PDE6A: variants seen among roughly 807,000 people sequenced by gnomAD.
PDE6A encodes phosphodiesterase 6A.
In PDE6A, 84 loss-of-function variants were observed where a neutral mutation model predicts 106.3. The observed-to-expected ratio is 0.79, with a 90% confidence interval of 0.66 to 0.95. The LOEUF (loss-of-function observed/expected upper bound fraction) is 0.95. Ranked by LOEUF, PDE6A falls within the 40% of genes least tolerant of loss-of-function variation. PDE6A has a pLI of 0.00. For synonymous variants in PDE6A, 394 were observed against 386.6 expected, an observed-to-expected ratio of 1.02 and a Z score of -0.23; for missense variants, 1,052 against 1,084.9, an observed-to-expected ratio of 0.97 and a Z score of 0.43.
rs926371495 is a variant in PDE6A at position 149,863,335 on chromosome 5, C to T, written c.2359-69G>A. 1.1e-5 allele frequency: 17 copies of T among 1,520,838 alleles called. No homozygotes were observed. In the African/African-American group the frequency reaches 2.1e-4, roughly 18 times the overall value. The allele number at this position is 1,520,838 out of a possible 1,614,324, so 94.2% of individuals were successfully genotyped here. ...AGGGTCTGGGCTCAAGCGGGTGGCA[C>T]AGCTGGAAACGTCCAACACTGGAAT... On this transcript the variant is annotated intron_variant, in intron 20 of 21. Transcript: ENST00000255266. This position sits in a 1 kb window ranked among gnomAD's most constrained non-coding sequence, Gnocchi z 4.7.
At chr5:149,884,322 ATG>A (rs1761052685) in intron 16 of PDE6A, among the ~76,000 whole-genome samples, 155 bp downstream of exon 16, 1 of 147,914 alleles carries the variant, frequency 6.8e-6, no homozygotes, top group East Asian at 2.0e-4. Context: ...ATATGTATAT[ATG>A]TGTATATATG....
At chr5:149,891,616 A>G (rs1218722984) in intron 13 of PDE6A, among the ~76,000 whole-genome samples, 7 of 152,152 alleles carry the variant, frequency 4.6e-5, no homozygotes, top group Non-Finnish European at 1.0e-4. Flanking sequence ...AGCCTGGGCA[A>G]CATAGTGAGA....
chr5:149,862,192 A>G (rs1260151515), intron 21 of PDE6A, among the ~76,000 whole-genome samples: 1 of 152,232 alleles, frequency 6.6e-6, no homozygotes, highest in Non-Finnish European at 1.5e-5. Context: ...CACAATCAGT[A>G]AAAGAAATGA....
chr5:149,883,335 C>T lies in PDE6A; in HGVS notation c.2135+94G>A, dbSNP rs543481767. The T allele has an allele frequency of 3.6e-6, 3 of 841,176 alleles. No homozygotes were observed. The East Asian group carries it at 7.7e-5, about 22-fold the overall frequency. 52.1% of individuals were successfully genotyped at this position (841,176 alleles called of 1,614,324 possible). A position where few individuals can be genotyped will look rare whatever the true frequency, so the allele number is the denominator to read the frequency against. On this transcript the variant is annotated intron_variant, in intron 17 of 21. Coordinates refer to ENST00000255266, the MANE Select transcript of PDE6A (RefSeq NM_000440.3). Reference sequence around the variant, plus strand: ...TGAAGGCCTCCAAAATGAAATAGTCCCAAGGCTTGTTGAGGGCAGCAAGAG... The same window carrying T: ...TGAAGGCCTCCAAAATGAAATAGTCTCAAGGCTTGTTGAGGGCAGCAAGAG...
intron 17 of PDE6A, among the ~76,000 whole-genome samples, chr5:149,870,361 A>G (rs1760486198): frequency 6.6e-6 from 1 of 152,206 alleles, no homozygotes; most frequent in Non-Finnish European, 1.5e-5. Flanking sequence ...ATAACCTCAG[A>G]ATACATGCCC....
At chr5:149,920,983 A>AAAGAAAGAAAG (rs1753699855) in intron 5 of PDE6A, among the ~76,000 whole-genome samples, 1 of 132,926 alleles carries the variant, frequency 7.5e-6, no homozygotes, top group Non-Finnish European at 1.5e-5. Context: ...AGAAAGAAAG[A>AAAGAAAGAAAG]AAGAAAGAAA....
At chr5:149,903,837 A>G (rs1753079284) in intron 7 of PDE6A, 142 bp from the exon 8 acceptor site, 2 of 784,458 alleles carry the variant, frequency 2.5e-6, no homozygotes, top group Admixed American at 1.7e-5. Flanking sequence ...TAGTCGAGAC[A>G]GTTTTCAATT....
intron 3 of PDE6A, chr5:149,932,542 C>T (rs2113658470): frequency 1.4e-6 from 2 of 1,438,168 alleles, no homozygotes; most frequent in Non-Finnish European, 2.0e-6. Context: ...TTTGGAACTC[C>T]TTTTTGGAAT....
intron 19 of PDE6A, chr5:149,867,159 C>A: frequency 5.3e-6 from 1 of 189,486 alleles, no homozygotes; most frequent in Non-Finnish European, 1.1e-5. Context: ...CCATCCTTTC[C>A]AAACCCTGCT....
At chr5:149,894,727 G>T (rs1240478383) in intron 13 of PDE6A, among the ~76,000 whole-genome samples, 1 of 149,290 alleles carries the variant, frequency 6.7e-6, no homozygotes, top group Non-Finnish European at 1.5e-5. Context: ...TGCCTCCCGG[G>T]TTCAAGGAAT....
chr5:149,878,630 C>T lies in PDE6A; in HGVS notation c.2135+4799G>A, dbSNP rs1013216045. The stretch of plus-strand genomic sequence containing the variant: ...CAAAGACTGAGCCTGTTTACACTCC[C>T]GCATGGGGAACGAGGTGGCCCTTTC... On this transcript the variant is annotated intron_variant, in intron 17 of 21. Transcript: ENST00000255266. Among the ~76,000 whole-genome samples, 7 of 152,292 alleles carry T rather than the reference C, an allele frequency of 4.6e-5. No individual in the cohort carries two copies. In the South Asian group the frequency reaches 8.3e-4, roughly 18 times the overall value.
intron 21 of PDE6A, among the ~76,000 whole-genome samples, chr5:149,861,204 T>C (rs30887): frequency 0.72 from 109,824 of 152,232 alleles, 40,152 homozygotes; most frequent in East Asian, 0.88. Context: ...TCGGCACCAA[T>C]GTCTGGGAGA....
intron 6 of PDE6A, among the ~76,000 whole-genome samples, chr5:149,914,085 C>CT (rs1210790538): frequency 6.6e-6 from 1 of 152,140 alleles, no homozygotes; most frequent in African/African-American, 2.4e-5. Flanking sequence ...GTTGAAAATC[C>CT]CTGATTTCAT....
chr5:149,921,889 C>T (rs1237591579), intron 4 of PDE6A, among the ~76,000 whole-genome samples, 180 bp from the exon 5 acceptor site: 6 of 152,248 alleles, frequency 3.9e-5, no homozygotes, highest in Admixed American at 2.0e-4. Flanking sequence ...CACATTTGCC[C>T]TTCAAAATAT....
intron 4 of PDE6A, 124 bp downstream of exon 4, chr5:149,930,904 C>A (rs1754013649): frequency 2.0e-6 from 2 of 1,012,022 alleles, no homozygotes; most frequent in Admixed American, 3.6e-5. Flanking sequence ...GTAAGACTTT[C>A]TACAACCATC....
intron 16 of PDE6A, among the ~76,000 whole-genome samples, chr5:149,884,218 A>G (rs1177654293): frequency 2.0e-5 from 3 of 148,276 alleles, no homozygotes; most frequent in Non-Finnish European, 3.0e-5. Context: ...ATATATATAC[A>G]CACACACATA....
chr5:149,924,165 T>C (rs1399046212), intron 4 of PDE6A, among the ~76,000 whole-genome samples: 1 of 152,166 alleles, frequency 6.6e-6, no homozygotes, highest in Non-Finnish European at 1.5e-5. Flanking sequence ...GTTTGTATCC[T>C]GGAAGAACTT....
At chr5:149,934,789 T>C (rs1273279216) in intron 1 of PDE6A, 71 bp from the exon 2 acceptor site, 1 of 1,491,960 alleles carries the variant, frequency 6.7e-7, no homozygotes. Flanking sequence ...CCAAAGCCCC[T>C]GTTGACAAGG....
intron 1 of PDE6A, among the ~76,000 whole-genome samples, chr5:149,940,699 T>C (rs1754305672): frequency 2.0e-5 from 3 of 152,110 alleles, no homozygotes; most frequent in African/African-American, 7.2e-5. Flanking sequence ...GGTTTCACCA[T>C]GTTGGCCAGG....
Sources: allele counts gnomAD v4.1 joint callset (sites outside exome capture counted in the v4.1 genomes callset), GRCh38; gene constraint gnomAD v4.1.1; non-coding constraint Gnocchi (gnomAD v3.1); transcripts MANE v1.5; gene names NCBI Gene and HGNC (gene_info 2026-07-23, HGNC 2026-07-21).